Variants in LCORL observed in about 807,000 individuals in gnomAD.
LCORL encodes the protein ligand dependent nuclear receptor corepressor like, also known as ligand-dependent nuclear receptor corepressor-like protein.
In LCORL, 41 loss-of-function variants were observed where a neutral mutation model predicts 141.8. The observed-to-expected ratio is 0.29, with a 90% CI of 0.23 to 0.38. The LOEUF is 0.38. Among genes scored for constraint, LCORL ranks in the 10% least tolerant of loss-of-function variants. LCORL has a pLI of 1.00. For synonymous variants in LCORL, 618 were observed against 694.1 expected (o/e 0.89, Z 1.72); for missense variants, 1,759 against 2,035.0 (o/e 0.86, Z 2.61).
At chr4:17,971,839 A>C (rs562487844) in intron 2 of LCORL, among the ~76,000 whole-genome samples, 2 of 151,650 alleles carry the variant, frequency 1.3e-5, no homozygotes, top group Non-Finnish European at 3.0e-5. Flanking sequence ...TAAAATAATA[A>C]ATTGTACTCA....
At chr4:17,873,615 T>A (rs1726606846) in exon 7 of LCORL, 1 of 1,233,800 alleles carries the variant, frequency 8.1e-7, no homozygotes, top group African/African-American at 1.6e-5. Context: ...TGTGTTAGCA[T>A]TTTCTATTTC....
At chr4:18,007,596 A>G (rs541824114) in intron 1 of LCORL, among the ~76,000 whole-genome samples, 1 of 152,304 alleles carries the variant, frequency 6.6e-6, no homozygotes, top group East Asian at 1.9e-4. Context: ...GTCTCCTAGT[A>G]CAATGCCCTG....
chr4:18,021,710 A>G lies in LCORL; in HGVS notation c.42T>C (p.Ala14=), dbSNP rs942593850. The G allele has an allele frequency of 1.8e-3, 2,713 of 1,522,984 alleles. 6 individuals carry two copies. Among genetic ancestry groups the G allele is most frequent in the Non-Finnish European group, 2.2e-3 (2,493 of 1,133,850 alleles). 94.3% of individuals were successfully genotyped at this position (1,522,984 alleles called of 1,614,324 possible). Residue 14 remains alanine, a synonymous_variant, in exon 1 of 8, where the codon GCT becomes GCC. Coordinates refer to ENST00000635767, the Ensembl canonical transcript of LCORL. This position sits in a 1 kb window ranked among gnomAD's most constrained non-coding sequence, Gnocchi z 5.5. ...GAGCGGCGGCGGCGGCGGCGGCAGCAGCGGCGGCGGCAGCGGCCATTCTCT... is the reference window on the plus strand; with the variant it reads ...GAGCGGCGGCGGCGGCGGCGGCAGCGGCGGCGGCGGCAGCGGCCATTCTCT...
chr4:17,967,186 T>C (rs1012558080), intron 2 of LCORL, among the ~76,000 whole-genome samples: 2 of 152,076 alleles, frequency 1.3e-5, no homozygotes, highest in South Asian at 2.1e-4. Flanking sequence ...ATTCCAACTA[T>C]ATGACATTCT....
intron 5 of LCORL, among the ~76,000 whole-genome samples, chr4:17,898,618 C>T (rs1410933891): frequency 1.3e-5 from 2 of 148,982 alleles, no homozygotes; most frequent in Non-Finnish European, 3.0e-5. Flanking sequence ...CACAAGAAAA[C>T]CTGGAAATTC....
chr4:17,962,102 G>A (rs1308901951), intron 3 of LCORL, 70 bp from the exon 4 acceptor site: 1 of 1,121,190 alleles, frequency 8.9e-7, no homozygotes, highest in Non-Finnish European at 1.3e-6. Context: ...CATTAAAAAT[G>A]ACAAAAAATT....
intron 6 of LCORL, chr4:17,882,292 C>T (rs931073567): frequency 2.0e-6 from 2 of 984,430 alleles, no homozygotes; most frequent in African/African-American, 3.5e-5. Context: ...GAAAAATGAT[C>T]AGAACCTGAA....
At chr4:18,015,749 T>C (rs1416095003) in intron 1 of LCORL, among the ~76,000 whole-genome samples, 1 of 150,896 alleles carries the variant, frequency 6.6e-6, no homozygotes, top group Non-Finnish European at 1.5e-5. Flanking sequence ...AGTGGTAAGA[T>C]AAAGGAGCAG....
chr4:17,936,449 GT>G (rs1736880693), intron 4 of LCORL, among the ~76,000 whole-genome samples: 1 of 151,658 alleles, frequency 6.6e-6, no homozygotes, highest in African/African-American at 2.4e-5. Context: ...TAGAACACTG[GT>G]TTTCCCATCT....
At chr4:17,847,245 C>A (rs1352201982) in intron 7 of LCORL, among the ~76,000 whole-genome samples, 1 of 152,194 alleles carries the variant, frequency 6.6e-6, no homozygotes, top group Non-Finnish European at 1.5e-5. Flanking sequence ...CTACATCATT[C>A]CTAAACTTCC....
At chr4:17,919,040 T>C (rs1733898303) in intron 4 of LCORL, among the ~76,000 whole-genome samples, 1 of 152,066 alleles carries the variant, frequency 6.6e-6, no homozygotes, top group African/African-American at 2.4e-5. Flanking sequence ...CCTGAGTTAT[T>C]TTCTAAAACC....
chr4:17,972,578 A>G (rs1418349787), intron 2 of LCORL, among the ~76,000 whole-genome samples: 2 of 151,654 alleles, frequency 1.3e-5, no homozygotes. Flanking sequence ...AAACAACAAA[A>G]ATTAAATTAC....
At chr4:17,962,983 C>T (rs1714145484) in exon 3 of LCORL, 2 of 1,588,750 alleles carry the variant, frequency 1.3e-6, no homozygotes, top group African/African-American at 1.4e-5. Flanking sequence ...GACTGCTTCT[C>T]TCTGTAGGTT....
intron 1 of LCORL, among the ~76,000 whole-genome samples, chr4:17,974,518 T>C (rs996756436): frequency 6.6e-6 from 1 of 152,130 alleles, no homozygotes; most frequent in African/African-American, 2.4e-5. Flanking sequence ...ACAGAAACTA[T>C]TTCCATCAAC....
At chr4:17,958,084 T>C (rs972306233) in intron 4 of LCORL, among the ~76,000 whole-genome samples, 11 of 151,976 alleles carry the variant, frequency 7.2e-5, no homozygotes, top group African/African-American at 2.4e-4. Flanking sequence ...CATTAACAGT[T>C]TAAAAGGAAA....
chr4:17,965,837 T>C lies in LCORL; in HGVS notation c.221-2788A>G, dbSNP rs148269006. Among the ~76,000 whole-genome samples, 519 of 152,288 alleles carry C rather than the reference T, an allele frequency of 3.4e-3. 4 individuals carry two copies. Among genetic ancestry groups the C allele is most frequent in the African/African-American group, 0.012 (488 of 41,596 alleles). The stretch of plus-strand genomic sequence containing the variant: ...CTCAACAGATGTAATTTTTATTTTC[T>C]TCTAAATAACCTCATTATTAATAAA... On this transcript the variant is annotated intron_variant, in intron 2 of 7. Coordinates refer to ENST00000635767, the Ensembl canonical transcript of LCORL.
intron 4 of LCORL, among the ~76,000 whole-genome samples, chr4:17,942,554 CT>C (rs1318411814): frequency 1.3e-5 from 2 of 152,248 alleles, no homozygotes; most frequent in African/African-American, 4.8e-5. Flanking sequence ...CTAGAAAATA[CT>C]GTAATAGGAT....
intron 1 of LCORL, among the ~76,000 whole-genome samples, chr4:17,998,165 C>A (rs1049998927): frequency 6.6e-6 from 1 of 151,944 alleles, no homozygotes; most frequent in African/African-American, 2.4e-5. Flanking sequence ...AAATAGTATA[C>A]CTGTATAGGG....
chr4:18,010,622 G>A (rs890004315), intron 1 of LCORL, among the ~76,000 whole-genome samples: 3 of 144,456 alleles, frequency 2.1e-5, no homozygotes, highest in Non-Finnish European at 4.5e-5. Flanking sequence ...GCTAATTTTT[G>A]TATTTTTAGT....
Sources: allele counts gnomAD v4.1 joint callset (sites outside exome capture counted in the v4.1 genomes callset), GRCh38; gene constraint gnomAD v4.1.1; non-coding constraint Gnocchi (gnomAD v3.1); transcripts MANE v1.5; gene names NCBI Gene and HGNC (gene_info 2026-07-23, HGNC 2026-07-21).